Variants in CCDC83 observed in about 807,000 individuals in gnomAD.
CCDC83 encodes coiled-coil domain containing 83, also known as coiled-coil domain-containing protein 83.
In CCDC83, 54 loss-of-function variants were observed where a neutral mutation model predicts 50.1. The ratio of observed to expected loss-of-function variants is 1.08; its 90% CI spans 0.87 to 1.35. The LOEUF is 1.35. Ranked by LOEUF, CCDC83 falls within the 40% of genes most tolerant of loss-of-function variation. The pLI is 0.00. For missense variants in CCDC83, 518 were observed against 473.9 expected, an observed-to-expected ratio of 1.09 and a Z score of -0.86; for synonymous variants, 161 against 153.3, an observed-to-expected ratio of 1.05 and a Z score of -0.37.
intron 7 of CCDC83, among the ~76,000 whole-genome samples, chr11:85,902,746 A>G (rs916590886): frequency 2.0e-5 from 3 of 151,900 alleles, no homozygotes; most frequent in Non-Finnish European, 4.4e-5. Flanking sequence ...GGACCCCTCC[A>G]CCTTCCCCAC....
chr11:85,864,517 G>A (rs533250116), intron 1 of CCDC83, among the ~76,000 whole-genome samples: 58 of 152,186 alleles, frequency 3.8e-4, no homozygotes, highest in African/African-American at 1.4e-3. Context: ...TAGCTGATGA[G>A]CAGTTATTAG....
intron 3 of CCDC83, among the ~76,000 whole-genome samples, chr11:85,875,153 T>C (rs2093261922): frequency 6.6e-6 from 1 of 152,200 alleles, no homozygotes; most frequent in Non-Finnish European, 1.5e-5. Context: ...GTAGAGACTG[T>C]GTGCTGATTG....
intron 5 of CCDC83, 29 bp from the exon 6 acceptor site, chr11:85,895,264 C>A: frequency 1.4e-5 from 5 of 363,118 alleles, no homozygotes; most frequent in African/African-American, 3.3e-5. Context: ...TTTTAATTTT[C>A]TTTTTTTTTT....
chr11:85,876,212 TCTCA>T (rs1449448960), intron 3 of CCDC83, among the ~76,000 whole-genome samples: 2 of 152,214 alleles, frequency 1.3e-5, no homozygotes, highest in Non-Finnish European at 2.9e-5. Context: ...AACCCTTTTC[TCTCA>T]CTCCTTTTTG....
At chr11:85,903,254 T>C (rs746941308) in intron 7 of CCDC83, among the ~76,000 whole-genome samples, 5 of 152,012 alleles carry the variant, frequency 3.3e-5, no homozygotes, top group Non-Finnish European at 5.9e-5. Flanking sequence ...AAAATCTGCA[T>C]GTGTTGTTCA....
chr11:85,914,010 G>A (rs2093466520), intron 8 of CCDC83, among the ~76,000 whole-genome samples: 1 of 152,120 alleles, frequency 6.6e-6, no homozygotes, highest in African/African-American at 2.4e-5. Context: ...GGTAAAACTA[G>A]GAAACAAAAG....
intron 3 of CCDC83, among the ~76,000 whole-genome samples, chr11:85,876,919 A>T (rs914528389): frequency 6.6e-6 from 1 of 152,160 alleles, no homozygotes; most frequent in African/African-American, 2.4e-5. Context: ...TCCTTTTTCC[A>T]TTTTTATAAT....
chr11:85,914,626 C>T (rs1315531097), intron 8 of CCDC83, among the ~76,000 whole-genome samples: 3 of 152,156 alleles, frequency 2.0e-5, no homozygotes, highest in Admixed American at 1.3e-4. Flanking sequence ...ACTACAACAG[C>T]GACCTGACTA....
intron 10 of CCDC83, among the ~76,000 whole-genome samples, chr11:85,917,158 GA>G (rs1565159911): frequency 1.4e-3 from 92 of 66,836 alleles, no homozygotes; most frequent in African/African-American, 4.1e-3. Context: ...GAGAGAGAGA[GA>G]GAGAGAGAGA....
In CCDC83 at chr11:85,917,157, AG is replaced by A. The variant is rs1565159888; in HGVS notation, c.1080+925del. Among the ~76,000 whole-genome samples the A allele has an allele frequency of 8.0e-4, 81 of 101,820 alleles. 1 individual carries two copies. The highest frequency in any genetic ancestry group is 4.6e-3 in the Middle Eastern group (1 of 218). The allele number at this position is 101,820 out of a possible 152,430, so 66.8% of individuals were successfully genotyped here. ...GAAAGAGAGAGAGAGAGAGAGAGAGAGAGAGAGAGAGAAAGAAAGAAAGAAA... is the reference window on the plus strand; with the variant it reads ...GAAAGAGAGAGAGAGAGAGAGAGAGAAGAGAGAGAGAAAGAAAGAAAGAAA... On this transcript the variant is annotated intron_variant, in intron 10 of 10. Transcript: ENST00000342404.
At chr11:85,903,853 G>T (rs757236589) in intron 7 of CCDC83, among the ~76,000 whole-genome samples, 1 of 152,068 alleles carries the variant, frequency 6.6e-6, no homozygotes, top group African/African-American at 2.4e-5. Context: ...TGTAGTCCCT[G>T]CTACTTGGGA....
chr11:85,888,585 GT>G (rs2093337770), intron 5 of CCDC83, among the ~76,000 whole-genome samples: 2 of 151,988 alleles, frequency 1.3e-5, no homozygotes, highest in African/African-American at 2.4e-5. Flanking sequence ...TTGTTTGTGG[GT>G]TTTTTAATGA....
At chr11:85,866,972 A>T (rs762027254) in intron 2 of CCDC83, among the ~76,000 whole-genome samples, 4 of 152,196 alleles carry the variant, frequency 2.6e-5, no homozygotes, top group Non-Finnish European at 4.4e-5. Context: ...GGGTCAGATC[A>T]AGAAGAACAC....
intron 8 of CCDC83, among the ~76,000 whole-genome samples, chr11:85,912,134 G>A (rs2093457411): frequency 6.6e-6 from 1 of 152,174 alleles, no homozygotes; most frequent in Non-Finnish European, 1.5e-5. Context: ...CAAATGTAGG[G>A]TGCATGTGTG....
chr11:85,902,051 G>A (rs1393826293), intron 7 of CCDC83, among the ~76,000 whole-genome samples: 1 of 151,444 alleles, frequency 6.6e-6, no homozygotes, highest in Admixed American at 6.6e-5. Flanking sequence ...GAAAAAAAGG[G>A]CAAATAGAGG....
intron 1 of CCDC83, among the ~76,000 whole-genome samples, chr11:85,858,127 G>T (rs1361754342): frequency 2.0e-5 from 3 of 152,188 alleles, no homozygotes; most frequent in Non-Finnish European, 4.4e-5. Context: ...AACCTGGGTT[G>T]TGCCATGGGC....
chr11:85,861,292 G>C (rs1334878184), intron 1 of CCDC83, among the ~76,000 whole-genome samples: 4 of 152,194 alleles, frequency 2.6e-5, no homozygotes, highest in Non-Finnish European at 1.5e-5. Flanking sequence ...GCTTTTGGAA[G>C]TACTGCATTA....
At chr11:85,896,420 A>G (rs1358451930) in intron 6 of CCDC83, among the ~76,000 whole-genome samples, 1 of 151,070 alleles carries the variant, frequency 6.6e-6, no homozygotes, top group Non-Finnish European at 1.5e-5. Flanking sequence ...AAAAAAAAAA[A>G]AAAAAAACCA....
At chr11:85,868,760 C>T (rs1254058842) in intron 2 of CCDC83, among the ~76,000 whole-genome samples, 2 of 151,902 alleles carry the variant, frequency 1.3e-5, no homozygotes, top group African/African-American at 4.9e-5. Context: ...GATCAGCCCA[C>T]CTCAACCTCC....
Sources: gnomAD v4.1 joint callset for allele counts (sites outside exome capture counted in the v4.1 genomes callset) on GRCh38, gnomAD v4.1.1 for gene constraint, MANE v1.5 for transcripts, NCBI Gene and HGNC (gene_info 2026-07-23, HGNC 2026-07-21) for gene names.